Variants in NUP214 observed in about 807,000 individuals in gnomAD.
The protein encoded by NUP214 is nuclear pore complex protein Nup214.
Under a neutral mutation model 196.2 loss-of-function variants are expected in NUP214, and 79 were observed. That is an observed-to-expected ratio of 0.40 (90% CI 0.34 to 0.49). The LOEUF (loss-of-function observed/expected upper bound fraction) is 0.49, where lower values mean the gene tolerates loss of function less well. NUP214 is among the 20% of genes least tolerant of loss of function. The pLI is 0.58. For missense variants in NUP214, 2,468 were observed against 2,539.0 expected (o/e 0.97, Z 0.60); for synonymous variants, 1,020 against 990.5 (o/e 1.03, Z -0.56).
At chr9:131,129,592 G>A (rs781374466) in intron 4 of NUP214, 115 bp downstream of exon 4, 59 of 1,012,630 alleles carry the variant, frequency 5.8e-5, no homozygotes, top group Middle Eastern at 2.7e-4. Flanking sequence ...TTTTCATGAC[G>A]AGGGAGGTTA....
At chr9:131,213,751 C>CTGTTGTTGT (rs55661030) in intron 30 of NUP214, among the ~76,000 whole-genome samples, 42,777 of 147,430 alleles carry the variant, frequency 0.29, 6,422 homozygotes, top group Middle Eastern at 0.35. Context: ...TGAATTGGTA[C>CTGTTGTTGT]TGTTGTTGTT....
intron 11 of NUP214, among the ~76,000 whole-genome samples, 191 bp downstream of exon 11, chr9:131,140,901 A>G (rs943269345): frequency 3.9e-5 from 6 of 152,136 alleles, no homozygotes; most frequent in African/African-American, 1.2e-4. Flanking sequence ...CTCAAGCTTT[A>G]TTCTGCAGCC....
At chr9:131,159,578 C>T in intron 18 of NUP214, 92 bp downstream of exon 18, 1 of 1,126,150 alleles carries the variant, frequency 8.9e-7, no homozygotes, top group African/African-American at 1.6e-5. Context: ...AAATCCCAGG[C>T]CGGGTGCGGT....
At chr9:131,216,538 T>TC (rs990053288) in intron 31 of NUP214, among the ~76,000 whole-genome samples, 8 of 143,404 alleles carry the variant, frequency 5.6e-5, no homozygotes, top group African/African-American at 1.8e-4. Flanking sequence ...TTTTTTTTTT[T>TC]TTCCTTTTTT....
chr9:131,127,678 T>A lies in NUP214; in HGVS notation c.200T>A (p.Leu67His). 1 of 1,614,094 alleles carries A rather than the reference T, an allele frequency of 6.2e-7. No individual in the cohort carries two copies. Among genetic ancestry groups the A allele is most frequent in the Non-Finnish European group, 8.5e-7 (1 of 1,180,022 alleles). The part of the protein sequence containing the change: ...SGLQIFPTKN[L>H]LIQNKPGDDP... ...TTGCAGATTTTTCCTACTAAAAATC[T>A]TCTTATTCAAAATAAACCCGGAGAT... The change falls in exon 2 of 36, where the codon CTT (leucine) becomes CAT (histidine). Residue 67 changes from leucine to histidine, a missense_variant. Coordinates refer to ENST00000359428, the MANE Select transcript of NUP214 (RefSeq NM_005085.4).
chr9:131,127,504 G>T lies in NUP214; in HGVS notation c.46-20G>T. 6.3e-7 allele frequency: 1 copy of T among 1,582,442 alleles called. No individual in the cohort carries two copies. Among genetic ancestry groups the T allele is most frequent in the South Asian group, 1.1e-5 (1 of 87,102 alleles). Reference sequence around the variant, plus strand: ...TTTCTTTCTTTATTGAATTGATCTCGTTTTGATTCTTCACAACAGGATTTT... The same window carrying T: ...TTTCTTTCTTTATTGAATTGATCTCTTTTTGATTCTTCACAACAGGATTTT... On this transcript the variant is annotated intron_variant, in intron 1 of 35. Coordinates refer to ENST00000359428, the MANE Select transcript of NUP214 (RefSeq NM_005085.4).
chr9:131,133,054 G>T, intron 6 of NUP214, 52 bp from the exon 7 acceptor site: 1 of 1,350,782 alleles, frequency 7.4e-7, no homozygotes, highest in Non-Finnish European at 1.1e-6. Context: ...GCTTTTTCTT[G>T]TATCTGGTTG....
At chr9:131,131,499 G>A (rs918602147) in intron 5 of NUP214, among the ~76,000 whole-genome samples, 10 of 152,188 alleles carry the variant, frequency 6.6e-5, no homozygotes, top group Admixed American at 2.0e-4. Flanking sequence ...GTTCTCTGGC[G>A]AGGAGGGGAG....
At position 131,150,770 on chromosome 9, in the gene NUP214, GTGTTTA is replaced by G; in HGVS notation, c.2277+8_2277+13del. On this transcript the variant is annotated splice_donor_region_variant and intron_variant, in intron 16 of 35. Transcript: ENST00000359428. The stretch of plus-strand genomic sequence containing the variant: ...GAGATTAAAGAGACCACAGAGGTTT[GTGTTTA>G]TGGATACTTTTCCTGAGTTGAATTG... 6.2e-7 allele frequency: 1 copy of G among 1,601,792 alleles called. No individual in the cohort carries two copies. Among genetic ancestry groups the G allele is most frequent in the Non-Finnish European group, 8.5e-7 (1 of 1,176,632 alleles).
chr9:131,218,643 T>C (rs914327069), intron 31 of NUP214, among the ~76,000 whole-genome samples: 3 of 151,956 alleles, frequency 2.0e-5, no homozygotes, highest in Non-Finnish European at 4.4e-5. Flanking sequence ...ACAATCTTCT[T>C]CTCCCTTCCC....
Position 131,127,731 on chromosome 9 carries a change from G to A in NUP214, c.241+12G>A. The A allele has an allele frequency of 6.3e-7, 1 of 1,598,676 alleles. No individual in the cohort carries two copies. The highest frequency in any genetic ancestry group is 8.6e-7 in the Non-Finnish European group (1 of 1,167,162). ...TCCCAACAAAATAGGTAAGTTCCCT[G>A]GTTTATGTTGCAAAGTAGAGAGAGG... On this transcript the variant is annotated intron_variant, in intron 2 of 35. Transcript: ENST00000359428.
chr9:131,189,228 G>A, intron 26 of NUP214, 97 bp downstream of exon 26: 2 of 990,834 alleles, frequency 2.0e-6, no homozygotes, highest in Non-Finnish European at 1.6e-6. Context: ...TAGGAAACAG[G>A]AGTCACATTT....
At chr9:131,194,149 A>G (rs1175065164) in intron 27 of NUP214, 1 of 149,914 alleles carries the variant, frequency 6.7e-6, no homozygotes, top group East Asian at 1.9e-4. Context: ...CTAGTTTGAA[A>G]TCTGCAATTT....
intron 17 of NUP214, among the ~76,000 whole-genome samples, chr9:131,152,122 T>C (rs1209143851): frequency 6.6e-6 from 1 of 152,192 alleles, no homozygotes; most frequent in African/African-American, 2.4e-5. Flanking sequence ...TAAAATACTT[T>C]TTTTCTTGAG....
intron 2 of NUP214, 92 bp downstream of exon 2, chr9:131,127,811 A>C: frequency 1.1e-6 from 1 of 915,056 alleles, no homozygotes. Context: ...TAATACTAAA[A>C]TGAACACTGC....
intron 24 of NUP214, among the ~76,000 whole-genome samples, chr9:131,186,749 T>C (rs1046571780): frequency 1.3e-5 from 2 of 152,254 alleles, no homozygotes; most frequent in African/African-American, 2.4e-5. Flanking sequence ...CTTTTCATGC[T>C]GTAGCAAAGA....
intron 12 of NUP214, among the ~76,000 whole-genome samples, chr9:131,145,900 C>A (rs1229157653): frequency 2.6e-5 from 4 of 152,124 alleles, no homozygotes; most frequent in African/African-American, 9.7e-5. Flanking sequence ...TGATATTTCC[C>A]CTGAATAATT....
rs539926651 is a variant in NUP214, at chr9:131,228,669, G to C, written c.6074+338G>C. 3.5e-5 allele frequency: 7 copies of C among 201,444 alleles called. No homozygotes were observed. The South Asian group carries it at 8.0e-4, about 23-fold the overall frequency. 12.5% of individuals were successfully genotyped at this position (201,444 alleles called of 1,614,324 possible). A position where few individuals can be genotyped will look rare whatever the true frequency, so the allele number is the denominator to read the frequency against. On this transcript the variant is annotated intron_variant, in intron 33 of 35. Coordinates refer to ENST00000359428, the MANE Select transcript of NUP214 (RefSeq NM_005085.4). The stretch of plus-strand genomic sequence containing the variant: ...TAGCCAAGAGGTGCCCCGGTGTGGA[G>C]CTTCTGTTAGGAAGTCCTCAATGAA...
intron 19 of NUP214, 58 bp downstream of exon 19, chr9:131,163,231 G>A: frequency 2.0e-6 from 3 of 1,513,482 alleles, no homozygotes; most frequent in Non-Finnish European, 2.7e-6. Flanking sequence ...AACATTTAGG[G>A]AGTCTTAGAG....
Sources: allele counts gnomAD v4.1 joint callset (sites outside exome capture counted in the v4.1 genomes callset), GRCh38; gene constraint gnomAD v4.1.1; transcripts MANE v1.5; gene names NCBI Gene and HGNC (gene_info 2026-07-23, HGNC 2026-07-21).